GPATCH8: variants seen among roughly 807,000 people sequenced by gnomAD.
GPATCH8 encodes the protein G patch domain-containing protein 8.
A neutral mutation model predicts 118.3 loss-of-function variants in GPATCH8; 18 were observed. The observed-to-expected ratio is 0.15, with a 90% CI of 0.11 to 0.23. The LOEUF is 0.23. GPATCH8 is among the 10% of genes least tolerant of loss of function. The pLI is 1.00. For synonymous variants in GPATCH8, 659 were observed against 684.7 expected (o/e 0.96, Z 0.59); for missense variants, 1,631 against 1,873.8 (o/e 0.87, Z 2.39).
At chr17:44,482,073 G>T (rs1157461903) in intron 1 of GPATCH8, among the ~76,000 whole-genome samples, 2 of 151,872 alleles carry the variant, frequency 1.3e-5, no homozygotes, top group African/African-American at 4.8e-5. Flanking sequence ...GTGAGCCAAG[G>T]TGTCGCCACT....
At chr17:44,432,041 G>A (rs534889378) in intron 5 of GPATCH8, among the ~76,000 whole-genome samples, 42 of 150,048 alleles carry the variant, frequency 2.8e-4, no homozygotes, top group African/African-American at 8.9e-4. Flanking sequence ...GAGTAAATCA[G>A]AGTGGGTTTT....
chr17:44,395,784 C>G lies in GPATCH8; in HGVS notation c.*1784G>C, dbSNP rs2048758847. 2.2e-6 allele frequency: 1 copy of G among 453,956 alleles called. No homozygotes were observed. The allele number at this position is 453,956 out of a possible 1,614,324, so 28.1% of individuals were successfully genotyped here. ...AGTATGGTTTTTCTTGTCAAGTGAC[C>G]AACCAACCAATTCTAGCCACACGAA... On this transcript the variant is annotated 3_prime_UTR_variant, in exon 8 of 8. Coordinates refer to ENST00000591680, the MANE Select transcript of GPATCH8 (RefSeq NM_001002909.4).
chr17:44,425,222 G>A (rs2050047980), intron 5 of GPATCH8, among the ~76,000 whole-genome samples: 1 of 152,174 alleles, frequency 6.6e-6, no homozygotes, highest in African/African-American at 2.4e-5. Flanking sequence ...AATGCTAAGT[G>A]ACTACTTGCT....
chr17:44,483,176 A>AAAAAAAATATAT (rs1555646771), intron 1 of GPATCH8, among the ~76,000 whole-genome samples: 2 of 12,954 alleles, frequency 1.5e-4, no homozygotes, highest in Non-Finnish European at 2.9e-4. Flanking sequence ...AAAAAAAAAA[A>AAAAAAAATATAT]ATATATATAT....
intron 3 of GPATCH8, among the ~76,000 whole-genome samples, chr17:44,437,705 G>A (rs1447003582): frequency 1.3e-5 from 2 of 151,614 alleles, no homozygotes; most frequent in Non-Finnish European, 2.9e-5. Flanking sequence ...ACTGGTTTTG[G>A]TCCTGCAAAA....
At chr17:44,476,239 C>A (rs1202357183) in intron 1 of GPATCH8, among the ~76,000 whole-genome samples, 1 of 151,864 alleles carries the variant, frequency 6.6e-6, no homozygotes, top group East Asian at 1.9e-4. Context: ...AAGTCTCACT[C>A]TGTAGCCCAA....
At chr17:44,464,771 T>C in intron 2 of GPATCH8, 1 of 524,182 alleles carries the variant, frequency 1.9e-6, no homozygotes, top group Admixed American at 3.2e-5. Context: ...TCCTTTCTGA[T>C]GGTGTGTTGG....
At chr17:44,403,150 A>G (rs1424898153) in intron 7 of GPATCH8, among the ~76,000 whole-genome samples, 7 of 152,056 alleles carry the variant, frequency 4.6e-5, no homozygotes, top group African/African-American at 7.2e-5. Flanking sequence ...ATCTCGGCTC[A>G]CTGCAACCTC....
At chr17:44,423,881 A>G (rs964401386) in intron 6 of GPATCH8, among the ~76,000 whole-genome samples, 8 of 152,208 alleles carry the variant, frequency 5.3e-5, no homozygotes, top group African/African-American at 1.9e-4. Context: ...CCTTCTCAAA[A>G]TTTATCTAAC....
At chr17:44,497,301 C>G (rs1298427335) in intron 1 of GPATCH8, among the ~76,000 whole-genome samples, 1 of 152,172 alleles carries the variant, frequency 6.6e-6, no homozygotes, top group African/African-American at 2.4e-5. Context: ...CAGAAAATGG[C>G]AATCTTGGCC....
chr17:44,414,833 T>A (rs2049616342), intron 6 of GPATCH8, among the ~76,000 whole-genome samples: 1 of 152,188 alleles, frequency 6.6e-6, no homozygotes, highest in Non-Finnish European at 1.5e-5. Context: ...AATAATACAA[T>A]ATGGGGTCTT....
At position 44,467,738 on chromosome 17, in the gene GPATCH8, G is replaced by C. The variant is rs566951827; in HGVS notation, c.121-3194C>G. ...GCAGGAAGGGCTAGTATTCAGTATG[G>C]TCTCCCTTCCTATCAGTAAAAGAAA... On this transcript the variant is annotated intron_variant, in intron 2 of 7. Transcript: ENST00000591680. 3.9e-5 allele frequency among the ~76,000 whole-genome samples: 6 copies of C among 152,180 alleles called. No homozygotes were observed. The East Asian group carries it at 1.2e-3, about 29-fold the overall frequency.
intron 3 of GPATCH8, chr17:44,436,757 G>T: frequency 1.7e-6 from 1 of 581,402 alleles, no homozygotes. Flanking sequence ...CGTCCAGTTG[G>T]GATTAATTTC....
chr17:44,473,501 C>G (rs1355001819), intron 2 of GPATCH8: 1 of 152,178 alleles, frequency 6.6e-6, no homozygotes, highest in Non-Finnish European at 1.5e-5. Context: ...AAACACAAGA[C>G]TAGGCTTTCA....
In GPATCH8 at chr17:44,401,420, G is replaced by C. The variant is rs769342125; in HGVS notation, c.657C>G (p.Thr219=). The C allele has an allele frequency of 1.9e-6, 3 of 1,612,928 alleles. No individual in the cohort carries two copies. Among genetic ancestry groups the C allele is most frequent in the African/African-American group, 1.3e-5 (1 of 74,884 alleles). Residue 219 remains threonine (T), a synonymous_variant, in exon 8 of 8, where the codon ACC becomes ACG. Coordinates refer to ENST00000591680, the MANE Select transcript of GPATCH8 (RefSeq NM_001002909.4). ...CACCTTCTTCATCTACAGCCACTGT[G>C]GTTGGTTTGAACATGGGACCACTTC... ...APGSGPMFKP[T]TVAVDEEGGE... is the part of the protein sequence containing the mutation.
intron 3 of GPATCH8, among the ~76,000 whole-genome samples, chr17:44,440,249 C>T (rs1033615536): frequency 6.6e-6 from 1 of 152,118 alleles, no homozygotes; most frequent in Non-Finnish European, 1.5e-5. Flanking sequence ...TTAAAAGAAA[C>T]TGTCTTCCTC....
chr17:44,451,345 G>GA (rs1305755381), intron 3 of GPATCH8, among the ~76,000 whole-genome samples: 1 of 151,990 alleles, frequency 6.6e-6, no homozygotes, highest in Non-Finnish European at 1.5e-5. Context: ...CACCTGCCTC[G>GA]TCCTCCCATA....
At chr17:44,410,059 C>T (rs1477763565) in intron 6 of GPATCH8, among the ~76,000 whole-genome samples, 1 of 152,176 alleles carries the variant, frequency 6.6e-6, no homozygotes, top group Admixed American at 6.6e-5. Context: ...TATTTCTAGA[C>T]AGAATTGGGC....
At chr17:44,406,257 C>T (rs181162722) in intron 6 of GPATCH8, among the ~76,000 whole-genome samples, 1 of 152,240 alleles carries the variant, frequency 6.6e-6, no homozygotes, top group African/African-American at 2.4e-5. Flanking sequence ...CTAATTAGGA[C>T]AGCATATCAT....
Sources: allele counts gnomAD v4.1 joint callset (sites outside exome capture counted in the v4.1 genomes callset), GRCh38; gene constraint gnomAD v4.1.1; transcripts MANE v1.5; gene names NCBI Gene and HGNC (gene_info 2026-07-23, HGNC 2026-07-21).